SRGAP2C: variants seen among roughly 807,000 people sequenced by gnomAD.
The protein encoded by SRGAP2C is SLIT-ROBO Rho GTPase activating protein 2C, also known as SLIT-ROBO Rho GTPase-activating protein 2C.
A neutral mutation model predicts 25.1 loss-of-function variants in SRGAP2C; 15 were observed. The observed-to-expected ratio is 0.60, with a 90% CI of 0.40 to 0.92. The LOEUF is 0.92. Ranked by LOEUF, SRGAP2C falls within the 40% of genes least tolerant of loss-of-function variation. The probability of loss-of-function intolerance (pLI) is 0.00; values close to 1 mark genes in which losing one functional copy is unlikely to be tolerated. For missense variants in SRGAP2C, 144 were observed against 264.4 expected, an observed-to-expected ratio of 0.54 and a Z score of 3.16; for synonymous variants, 44 against 96.6, an observed-to-expected ratio of 0.46 and a Z score of 3.19.
At chr1:121,383,522 C>T (rs1553355638) in intron 8 of SRGAP2C, among the ~76,000 whole-genome samples, 2 of 139,144 alleles carry the variant, frequency 1.4e-5, no homozygotes, top group African/African-American at 5.3e-5. Context: ...TGGGTACCTG[C>T]AGGAAGGAAA....
At chr1:121,287,069 TTC>T (rs1260138662) in intron 3 of SRGAP2C, among the ~76,000 whole-genome samples, 1 of 68,948 alleles carries the variant, frequency 1.5e-5, no homozygotes, top group Non-Finnish European at 2.9e-5. Context: ...TTCTGTTATC[TTC>T]TCTGAGTGGA....
chr1:121,324,517 T>C lies in SRGAP2C; in HGVS notation c.300T>C (p.Asn100=). Residue 100 remains asparagine (N), a synonymous_variant, in exon 4 of 10, where the codon AAT becomes AAC. Coordinates refer to ENST00000367123, the MANE Select transcript of SRGAP2C (RefSeq NM_001329984.2). ...TTCTCTCTCCAGTCAACTGCTGGAATCTCCTCTTAAACCAGGTGAAGTGGG... is the reference window on the plus strand; with the variant it reads ...TTCTCTCTCCAGTCAACTGCTGGAACCTCCTCTTAAACCAGGTGAAGTGGG... The part of the protein sequence containing the change: ...QNVLSPVNCW[N]LLLNQVKWES... 6.2e-7 allele frequency: 1 copy of C among 1,613,324 alleles called. No homozygotes were observed. The highest frequency in any genetic ancestry group is 8.5e-7 in the Non-Finnish European group (1 of 1,179,360).
Position 121,306,825 on chromosome 1 carries a change from T to A in SRGAP2C, c.261-17653T>A, listed in dbSNP as rs1245399542. ...CTCTGGAACAGTGACTTTAAAACAT[T>A]TTGATCATGAATCTCTATATTTTAT... On this transcript the variant is annotated intron_variant, in intron 3 of 9. Transcript: ENST00000367123. Among the ~76,000 whole-genome samples the A allele has an allele frequency of 1.5e-4, 23 of 152,290 alleles. No individual in the cohort carries two copies. The South Asian group carries it at 4.2e-3, about 27-fold the overall frequency.
rs587761965 is a variant in SRGAP2C, at chr1:121,191,428, T to G, written c.67+3915T>G. ...AATTGTTGTATTGGTATTTTTATTG[T>G]TTTTTTTTTTCTTGAATATTTTCCA... is the stretch of plus-strand genomic sequence containing the variant. On this transcript the variant is annotated intron_variant, in intron 2 of 9. Transcript: ENST00000367123. Among the ~76,000 whole-genome samples the G allele has an allele frequency of 3.5e-3, 521 of 148,830 alleles. 5 individuals carry two copies. Among genetic ancestry groups the G allele is most frequent in the African/African-American group, 0.012 (479 of 40,210 alleles).
chr1:121,188,092 CAG>C (rs1654567923), intron 2 of SRGAP2C, among the ~76,000 whole-genome samples: 1 of 152,154 alleles, frequency 6.6e-6, no homozygotes, highest in Non-Finnish European at 1.5e-5. Flanking sequence ...TGCATACAAT[CAG>C]AGATCAGAGA....
chr1:121,325,069 A>AAG (rs1264940765), intron 4 of SRGAP2C, among the ~76,000 whole-genome samples: 1 of 140,990 alleles, frequency 7.1e-6, no homozygotes, highest in Non-Finnish European at 1.5e-5. Context: ...AGTTTTCTTA[A>AAG]AGTGATTTGT....
At chr1:121,337,711 A>C (rs1658550187) in intron 4 of SRGAP2C, among the ~76,000 whole-genome samples, 1 of 145,026 alleles carries the variant, frequency 6.9e-6, no homozygotes. Flanking sequence ...ACAGCTCATC[A>C]GGCACCATGC....
At chr1:121,281,309 T>C (rs1323646030) in intron 2 of SRGAP2C, among the ~76,000 whole-genome samples, 1 of 151,760 alleles carries the variant, frequency 6.6e-6, no homozygotes, top group Non-Finnish European at 1.5e-5. Flanking sequence ...CATCTTCTTC[T>C]TTCTGCTTCC....
At chr1:121,337,862 C>T (rs1347734392) in intron 4 of SRGAP2C, among the ~76,000 whole-genome samples, 1 of 107,118 alleles carries the variant, frequency 9.3e-6, no homozygotes, top group Non-Finnish European at 1.9e-5. Context: ...TAAATGAATG[C>T]TAACCATGCC....
At chr1:121,286,175 C>T (rs1407905529) in intron 3 of SRGAP2C, among the ~76,000 whole-genome samples, 57 of 150,316 alleles carry the variant, frequency 3.8e-4, no homozygotes, top group African/African-American at 1.4e-3. Flanking sequence ...CTTCCTGGAA[C>T]ACACTGGCGA....
At chr1:121,306,034 A>C (rs1657822535) in intron 3 of SRGAP2C, among the ~76,000 whole-genome samples, 1 of 152,212 alleles carries the variant, frequency 6.6e-6, no homozygotes, top group African/African-American at 2.4e-5. Context: ...CCCTTTTAAA[A>C]TCTTCCATCT....
Position 121,309,664 on chromosome 1 carries a change from ATATGCGGTGTT to A in SRGAP2C, c.261-14812_261-14802del, listed in dbSNP as rs1442805227. Among the ~76,000 whole-genome samples the A allele has an allele frequency of 4.3e-5, 6 of 140,216 alleles. No individual in the cohort carries two copies. In the East Asian group the frequency reaches 1.3e-3, roughly 29 times the overall value. The allele number at this position is 140,216 out of a possible 152,430, so 92.0% of individuals were successfully genotyped here. A position where few individuals can be genotyped will look rare whatever the true frequency, so the allele number is the denominator to read the frequency against. On this transcript the variant is annotated intron_variant, in intron 3 of 9. Coordinates refer to ENST00000367123, the MANE Select transcript of SRGAP2C (RefSeq NM_001329984.2). ...GTTCAATTCCCACCTATGAGTGAGA[ATATGCGGTGTT>A]TGGTTTTTTGTTCTTGCGATAGTTT... is the stretch of plus-strand genomic sequence containing the variant.
intron 3 of SRGAP2C, among the ~76,000 whole-genome samples, chr1:121,306,897 A>G (rs1657853919): frequency 6.6e-6 from 1 of 152,074 alleles, no homozygotes; most frequent in African/African-American, 2.4e-5. Context: ...GCTGAGAACA[A>G]TACTTTCACA....
In SRGAP2C at chr1:121,343,569, C is replaced by A. The variant is rs1658678444; in HGVS notation, c.423+18929C>A. On this transcript the variant is annotated intron_variant, in intron 4 of 9. Coordinates refer to ENST00000367123, the MANE Select transcript of SRGAP2C (RefSeq NM_001329984.2). Reference sequence around the variant, plus strand: ...TGCAGTGTCTGCTTCATCCTCCCATCAGCCCTGGAGGAAAGCCAGGATCCT... The same window carrying A: ...TGCAGTGTCTGCTTCATCCTCCCATAAGCCCTGGAGGAAAGCCAGGATCCT... Among the ~76,000 whole-genome samples the A allele has an allele frequency of 3.4e-5, 3 of 89,234 alleles. No homozygotes were observed. The South Asian group carries it at 8.8e-4, about 26-fold the overall frequency. The allele number at this position is 89,234 out of a possible 152,430, so 58.5% of individuals were successfully genotyped here. A position where few individuals can be genotyped will look rare whatever the true frequency, so the allele number is the denominator to read the frequency against.
rs1266838235 is a variant in SRGAP2C at position 121,280,118 on chromosome 1, C to T, written c.68-4685C>T. Among the ~76,000 whole-genome samples the T allele has an allele frequency of 4.5e-4, 67 of 148,678 alleles. 1 individual carries two copies. The highest frequency in any genetic ancestry group is 7.5e-4 in the Non-Finnish European group (50 of 66,864). On this transcript the variant is annotated intron_variant, in intron 2 of 9. Transcript: ENST00000367123. ...TCACAAGGTTGAGCAACAATCATCA[C>T]TATCTTAATTTCAAAACAGGGAGGT...
intron 7 of SRGAP2C, among the ~76,000 whole-genome samples, chr1:121,379,220 T>C (rs1659748632): frequency 6.6e-6 from 1 of 152,204 alleles, no homozygotes; most frequent in East Asian, 1.9e-4. Flanking sequence ...ACCTGAACTG[T>C]GAAACACCCA....
intron 2 of SRGAP2C, among the ~76,000 whole-genome samples, chr1:121,259,844 T>C (rs879985542): frequency 6.4e-5 from 7 of 109,438 alleles, no homozygotes; most frequent in East Asian, 7.5e-4. Context: ...CTTCTTCTAC[T>C]TTTTTTTTTT....
intron 2 of SRGAP2C, among the ~76,000 whole-genome samples, chr1:121,250,228 A>G (rs587743723): frequency 2.3e-5 from 2 of 88,740 alleles, no homozygotes; most frequent in East Asian, 8.4e-4. Context: ...ATTAGTATAA[A>G]GATAACCACT....
intron 2 of SRGAP2C, among the ~76,000 whole-genome samples, chr1:121,224,408 T>C (rs1448687314): frequency 9.4e-6 from 1 of 106,584 alleles, no homozygotes; most frequent in Non-Finnish European, 1.9e-5. Flanking sequence ...TGGGAAACAA[T>C]TGATTTTGCA....
Sources: allele counts gnomAD v4.1 joint callset (sites outside exome capture counted in the v4.1 genomes callset), GRCh38; gene constraint gnomAD v4.1.1; transcripts MANE v1.5; gene names NCBI Gene and HGNC (gene_info 2026-07-23, HGNC 2026-07-21).